Variants in DAB1 observed in about 807,000 individuals in gnomAD.
The protein encoded by DAB1 is disabled homolog 1.
Under a neutral mutation model 64.6 loss-of-function variants are expected in DAB1, and 15 were observed. That is an observed-to-expected ratio of 0.23 (90% CI 0.16 to 0.36). DAB1 has a LOEUF of 0.36. Ranked by LOEUF, DAB1 falls within the 10% of genes least tolerant of loss-of-function variation. The pLI is 1.00. For synonymous variants in DAB1, 235 were observed against 251.9 expected (o/e 0.93, Z 0.64); for missense variants, 596 against 706.7 (o/e 0.84, Z 1.78).
At chr1:57,838,741 G>A (rs1420834557) in intron 1 of DAB1, among the ~76,000 whole-genome samples, 1 of 150,422 alleles carries the variant, frequency 6.6e-6, no homozygotes, top group Non-Finnish European at 1.5e-5. Flanking sequence ...ACTTACTTAG[G>A]TAAACATAAC....
At chr1:58,221,906 C>A (rs531394964) in intron 4 of DAB1, among the ~76,000 whole-genome samples, 1 of 152,272 alleles carries the variant, frequency 6.6e-6, no homozygotes, top group African/African-American at 2.4e-5. Context: ...GTTCCATAGT[C>A]CTATAATTCA....
chr1:57,695,365 AAAG>A (rs1557427777), intron 6 of DAB1, among the ~76,000 whole-genome samples: 1 of 36,912 alleles, frequency 2.7e-5, no homozygotes, highest in Non-Finnish European at 4.7e-5. Flanking sequence ...AAGAAAGAAG[AAAG>A]AAAGAAAGAA....
At chr1:57,864,123 A>C (rs997527570) in intron 1 of DAB1, among the ~76,000 whole-genome samples, 1 of 152,188 alleles carries the variant, frequency 6.6e-6, no homozygotes, top group African/African-American at 2.4e-5. Flanking sequence ...GGCCTATTTG[A>C]CATTGTCTGT....
intron 6 of DAB1, among the ~76,000 whole-genome samples, chr1:57,800,055 G>A (rs1223757534): frequency 7.9e-5 from 12 of 152,152 alleles, no homozygotes; most frequent in African/African-American, 2.2e-4. Flanking sequence ...GTGCATTTAC[G>A]ATCTGCCATG....
chr1:58,173,678 ACT>A (rs1297000887), intron 4 of DAB1, among the ~76,000 whole-genome samples: 1 of 152,006 alleles, frequency 6.6e-6, no homozygotes, highest in East Asian at 1.9e-4. Flanking sequence ...AAAACAACAA[ACT>A]CACACACCTT....
intron 5 of DAB1, among the ~76,000 whole-genome samples, chr1:58,147,568 AT>A (rs1202507006): frequency 6.6e-6 from 1 of 151,652 alleles, no homozygotes; most frequent in African/African-American, 2.4e-5. Context: ...GTGAGCTGAG[AT>A]TGCACTGCAC....
chr1:57,131,667 C>T (rs1317935671), intron 4 of DAB1, among the ~76,000 whole-genome samples: 1 of 152,174 alleles, frequency 6.6e-6, no homozygotes, highest in Non-Finnish European at 1.5e-5. Context: ...AATAAGGTGA[C>T]ATCTGGTTTT....
chr1:57,296,415 T>G (rs1004762457), intron 1 of DAB1, among the ~76,000 whole-genome samples: 1 of 152,082 alleles, frequency 6.6e-6, no homozygotes, highest in Non-Finnish European at 1.5e-5. Flanking sequence ...ATACTTAGAT[T>G]TTGGTTTCTG....
In DAB1 at chr1:58,474,540, C is replaced by G. The variant is rs374312640; in HGVS notation, n.257+31520G>C. 1.8e-3 allele frequency among the ~76,000 whole-genome samples: 270 copies of G among 152,290 alleles called. 6 individuals are homozygous for G. The South Asian group carries it at 0.052, about 30-fold the overall frequency. ...TGTTAGGGTCCAAAAAGTACCCTAA[C>G]TCCTGTGTTGCCAAGGGTCAACTGT... is the stretch of plus-strand genomic sequence containing the variant. On this transcript the variant is annotated intron_variant and non_coding_transcript_variant, in intron 3 of 20. Coordinates refer to the DAB1 transcript ENST00000485760.
chr1:57,545,663 C>T (rs946915244), intron 7 of DAB1, among the ~76,000 whole-genome samples: 5 of 152,136 alleles, frequency 3.3e-5, no homozygotes, highest in African/African-American at 1.2e-4. Flanking sequence ...TCTCTGGAAA[C>T]TTTCTTCAAG....
intron 7 of DAB1, among the ~76,000 whole-genome samples, chr1:57,513,853 C>A (rs539227157): frequency 1.3e-5 from 2 of 152,280 alleles, no homozygotes; most frequent in East Asian, 3.9e-4. Context: ...CTCTTCCCAG[C>A]CCCTGTCCTG....
At chr1:57,094,738 C>T (rs1654001766) in intron 4 of DAB1, among the ~76,000 whole-genome samples, 1 of 152,166 alleles carries the variant, frequency 6.6e-6, no homozygotes, top group African/African-American at 2.4e-5. Flanking sequence ...GATCTTATCA[C>T]TGTCCTATGC....
chr1:58,341,357 C>T (rs1643931961), intron 4 of DAB1, among the ~76,000 whole-genome samples: 1 of 152,136 alleles, frequency 6.6e-6, no homozygotes, highest in Admixed American at 6.6e-5. Flanking sequence ...TTGACACCTA[C>T]TTAGAAGCAA....
At chr1:57,412,926 G>T (rs1488483765) in intron 1 of DAB1, among the ~76,000 whole-genome samples, 3 of 152,200 alleles carry the variant, frequency 2.0e-5, no homozygotes, top group African/African-American at 7.2e-5. Context: ...GGAAGAAGGT[G>T]TTATCTAGGA....
intron 6 of DAB1, among the ~76,000 whole-genome samples, chr1:57,770,938 A>G (rs1322936561): frequency 2.6e-5 from 4 of 152,160 alleles, no homozygotes; most frequent in African/African-American, 9.6e-5. Flanking sequence ...TGTCTAATCC[A>G]TACTGAGCAG....
intron 3 of DAB1, among the ~76,000 whole-genome samples, chr1:58,494,601 G>T (rs1295552874): frequency 6.6e-6 from 1 of 152,080 alleles, no homozygotes; most frequent in Non-Finnish European, 1.5e-5. Context: ...ATCAAAAAGT[G>T]GGTGAAGGAT....
intron 1 of DAB1, among the ~76,000 whole-genome samples, chr1:57,407,763 C>CG (rs1683763795): frequency 7.3e-6 from 1 of 136,680 alleles, no homozygotes; most frequent in Non-Finnish European, 1.5e-5. Flanking sequence ...AGGAAGATAT[C>CG]TGAAGTGTGT....
intron 1 of DAB1, chr1:57,387,551 C>T (rs1285803753): frequency 6.6e-6 from 1 of 152,352 alleles, no homozygotes; most frequent in Non-Finnish European, 1.5e-5. Context: ...AGGCCAGGCG[C>T]AGTGGCTCAC....
At position 58,224,170 on chromosome 1, in the gene DAB1, G is replaced by C. The variant is rs76434032; in HGVS notation, n.310-73582C>G. On this transcript the variant is annotated intron_variant and non_coding_transcript_variant, in intron 4 of 20. Coordinates refer to the DAB1 transcript ENST00000485760. ...TCAAATCCTTGCTCTTCCAATTATA[G>C]GATGTTTGTCCTTGAGCAAGTTTCC... 8.2e-3 allele frequency among the ~76,000 whole-genome samples: 1,253 copies of C among 152,304 alleles called. 16 individuals are homozygous for C. Among genetic ancestry groups the C allele is most frequent in the African/African-American group, 0.029 (1,192 of 41,554 alleles).
Sources: gnomAD v4.1 joint callset for allele counts (sites outside exome capture counted in the v4.1 genomes callset) on GRCh38, gnomAD v4.1.1 for gene constraint, MANE v1.5 for transcripts, NCBI Gene and HGNC (gene_info 2026-07-23, HGNC 2026-07-21) for gene names.